The following PCDH17 variants were observed in gnomAD, a reference collection of about 807,000 sequenced individuals.
PCDH17 encodes the protein protocadherin 17.
Under a neutral mutation model 67.7 loss-of-function variants are expected in PCDH17, and 21 were observed. The ratio of observed to expected loss-of-function variants is 0.31; its 90% CI spans 0.22 to 0.45. PCDH17 has a LOEUF of 0.45. Ranked by LOEUF, PCDH17 falls within the 20% of genes least tolerant of loss-of-function variation. The probability of loss-of-function intolerance (pLI) is 1.00; values close to 1 mark genes in which losing one functional copy is unlikely to be tolerated. For synonymous variants in PCDH17, 701 were observed against 656.7 expected (o/e 1.07, Z -1.03); for missense variants, 1,471 against 1,564.8 (o/e 0.94, Z 1.01).
chr13:57,684,876 A>G (rs752144105), intron 3 of PCDH17, among the ~76,000 whole-genome samples: 2 of 152,084 alleles, frequency 1.3e-5, no homozygotes, highest in Non-Finnish European at 2.9e-5. Context: ...AGTGCCATCA[A>G]TGTTTGAGTG....
intron 3 of PCDH17, among the ~76,000 whole-genome samples, chr13:57,697,184 G>T (rs1203676120): frequency 6.6e-6 from 1 of 151,468 alleles, no homozygotes; most frequent in Non-Finnish European, 1.5e-5. Flanking sequence ...AAAACCCCAT[G>T]AATTCAGGCT....
intron 3 of PCDH17, among the ~76,000 whole-genome samples, chr13:57,691,849 A>G (rs1276989006): frequency 6.6e-6 from 1 of 151,238 alleles, no homozygotes; most frequent in East Asian, 1.9e-4. Context: ...CTAATTAATA[A>G]ACACATTATT....
At chr13:57,705,442 AAG>A (rs894682703) in intron 3 of PCDH17, among the ~76,000 whole-genome samples, 2 of 152,120 alleles carry the variant, frequency 1.3e-5, no homozygotes, top group Non-Finnish European at 2.9e-5. Context: ...GTATCTGACT[AAG>A]AACATGCATG....
chr13:57,687,915 G>A (rs1955522924), intron 3 of PCDH17, among the ~76,000 whole-genome samples: 1 of 151,948 alleles, frequency 6.6e-6, no homozygotes, highest in Admixed American at 6.6e-5. Context: ...ACCTTCATCA[G>A]GTTCAAACAT....
chr13:57,678,605 T>C (rs1290834297), intron 3 of PCDH17, among the ~76,000 whole-genome samples: 2 of 151,626 alleles, frequency 1.3e-5, no homozygotes, highest in African/African-American at 4.8e-5. Flanking sequence ...GTAAAGTCCA[T>C]TAATCTCTTA....
chr13:57,645,607 A>T (rs1296813418), intron 1 of PCDH17, among the ~76,000 whole-genome samples: 2 of 151,362 alleles, frequency 1.3e-5, no homozygotes, highest in Admixed American at 1.3e-4. Context: ...ATAATATTAC[A>T]ACTTCATGGA....
chr13:57,633,180 G>A lies in PCDH17; in HGVS notation c.634G>A (p.Val212Met), dbSNP rs768698732. ...DREQQNHHTL[V>M]LTALDGGEPP... ...CGAGCAACAGAATCACCATACGCTC[G>A]TGCTGACTGCCCTGGACGGTGGCGA... Residue 212 changes from valine to methionine, a missense_variant, in exon 1 of 4, where the codon GTG becomes ATG. Physicochemically the swap from Val to Met is conservative, Grantham distance 21. Coordinates refer to ENST00000377918, the MANE Select transcript of PCDH17 (RefSeq NM_001040429.3). This position sits in a 1 kb window ranked among gnomAD's most constrained non-coding sequence, Gnocchi z 6.2. The A allele has an allele frequency of 6.2e-7, 1 of 1,613,174 alleles. No individual in the cohort carries two copies. Among genetic ancestry groups the A allele is most frequent in the East Asian group, 2.2e-5 (1 of 44,804 alleles).
intron 3 of PCDH17, 139 bp downstream of exon 3, chr13:57,666,972 C>A: frequency 3.0e-6 from 2 of 661,488 alleles, no homozygotes; most frequent in South Asian, 6.1e-5. Context: ...TTGAGGTTGC[C>A]CCAGAAAAAA....
At chr13:57,680,363 T>C (rs1955437160) in intron 3 of PCDH17, among the ~76,000 whole-genome samples, 1 of 151,562 alleles carries the variant, frequency 6.6e-6, no homozygotes, top group South Asian at 2.1e-4. Context: ...AGTGGAGATG[T>C]AGCAAGCCAT....
chr13:57,710,758 T>G (rs1202739487), intron 3 of PCDH17, among the ~76,000 whole-genome samples: 1 of 151,942 alleles, frequency 6.6e-6, no homozygotes, highest in Non-Finnish European at 1.5e-5. Flanking sequence ...AAAACATACA[T>G]GTATATTATA....
intron 3 of PCDH17, among the ~76,000 whole-genome samples, chr13:57,688,357 T>A (rs1156961479): frequency 6.6e-6 from 1 of 151,924 alleles, no homozygotes; most frequent in African/African-American, 2.4e-5. Flanking sequence ...ATTGTGTTTG[T>A]GTGTGTTAAG....
intron 1 of PCDH17, among the ~76,000 whole-genome samples, chr13:57,639,887 A>G (rs1028369477): frequency 3.3e-5 from 5 of 151,990 alleles, no homozygotes; most frequent in African/African-American, 1.2e-4. Flanking sequence ...GAAAATTTAC[A>G]TTACCACCTT....
intron 1 of PCDH17, among the ~76,000 whole-genome samples, chr13:57,656,798 A>G (rs935710773): frequency 2.0e-5 from 3 of 152,174 alleles, no homozygotes; most frequent in African/African-American, 7.2e-5. Flanking sequence ...TGAGATGAAG[A>G]GGCTGACAAC....
In PCDH17 at chr13:57,726,711, A is replaced by G. The variant is rs1002428388; in HGVS notation, c.*1417A>G. On this transcript the variant is annotated 3_prime_UTR_variant, in exon 4 of 4. Transcript: ENST00000377918. ...GTCATGCTAAATCACAAGAATTGAC[A>G]TTTGTACCAATATCTGAAACTTCTT... 3 of 152,456 alleles carry G rather than the reference A, an allele frequency of 2.0e-5. No individual in the cohort carries two copies. The highest frequency in any genetic ancestry group is 1.3e-4 in the Admixed American group (2 of 15,282). The allele number at this position is 152,456 out of a possible 1,614,324, so 9.4% of individuals were successfully genotyped here.
intron 3 of PCDH17, among the ~76,000 whole-genome samples, chr13:57,692,035 A>G (rs1036059797): frequency 6.6e-6 from 1 of 151,248 alleles, no homozygotes; most frequent in Non-Finnish European, 1.5e-5. Context: ...ACAGGAAGTT[A>G]AAATGCTTAT....
chr13:57,725,072 A>G lies in PCDH17; in HGVS notation c.3258A>G (p.Arg1086=), dbSNP rs1437498784. The G allele has an allele frequency of 6.2e-7, 1 of 1,614,020 alleles. No homozygotes were observed. Among genetic ancestry groups the G allele is most frequent in the Admixed American group, 1.7e-5 (1 of 59,998 alleles). Residue 1086 remains arginine (R), a synonymous_variant, in exon 4 of 4, where the codon AGA becomes AGG. Transcript: ENST00000377918. ...SQYLSPSKQP[R]DPPFMASDQM... is the part of the protein sequence containing the mutation. The stretch of plus-strand genomic sequence containing the variant: ...ATCTGTCACCTAGTAAGCAACCAAG[A>G]GACCCTCCCTTCATGGCTTCCGATC...
In PCDH17 at chr13:57,633,584, C is replaced by T. The variant is rs1954763959; in HGVS notation, c.1038C>T (p.Asp346=). The stretch of plus-strand genomic sequence containing the variant: ...CGGTCAAGCTCATCGACCGCAACGA[C>T]AATGCGCCGTCCATCGGTTTCGTCT... ...KVTVKLIDRN[D]NAPSIGFVSV... The change falls in exon 1 of 4, where the codon GAC becomes GAT. Residue 346 remains aspartate (D), a synonymous_variant. Transcript: ENST00000377918. This position sits in a 1 kb window ranked among gnomAD's most constrained non-coding sequence, Gnocchi z 6.2. The T allele has an allele frequency of 1.9e-6, 3 of 1,613,216 alleles. No homozygotes were observed. The highest frequency in any genetic ancestry group is 2.5e-6 in the Non-Finnish European group (3 of 1,180,042).
intron 3 of PCDH17, among the ~76,000 whole-genome samples, chr13:57,697,032 T>G (rs996388052): frequency 4.0e-5 from 6 of 151,714 alleles, no homozygotes; most frequent in Middle Eastern, 3.4e-3. Flanking sequence ...AGGAAATACT[T>G]GCATCAAGTG....
At chr13:57,706,015 TAAAAAAA>T (rs747132510) in intron 3 of PCDH17, among the ~76,000 whole-genome samples, 1 of 128,900 alleles carries the variant, frequency 7.8e-6, no homozygotes, top group Non-Finnish European at 1.7e-5. Context: ...AACTCAGTCT[TAAAAAAA>T]AAAAAAAAAT....
Sources: allele counts gnomAD v4.1 joint callset (sites outside exome capture counted in the v4.1 genomes callset), GRCh38; gene constraint gnomAD v4.1.1; non-coding constraint Gnocchi (gnomAD v3.1); transcripts MANE v1.5; gene names NCBI Gene and HGNC (gene_info 2026-07-23, HGNC 2026-07-21).